The following ELOB variants were observed in gnomAD, a reference collection of about 807,000 sequenced individuals.
The protein encoded by ELOB is elongin-B.
Under a neutral mutation model 12.9 loss-of-function variants are expected in ELOB, and 3 were observed. The ratio of observed to expected loss-of-function variants is 0.23; its 90% CI spans 0.11 to 0.60. ELOB has a LOEUF of 0.60. Among genes scored for constraint, ELOB ranks in the 20% least tolerant of loss-of-function variants. ELOB has a pLI of 0.89. For synonymous variants in ELOB, 84 were observed against 67.4 expected (o/e 1.25, Z -1.21); for missense variants, 126 against 159.2 (o/e 0.79, Z 1.12).
Position 2,771,861 on chromosome 16 carries a change from C to G in ELOB, c.*129G>C. ...GGGAGACAGGACAGCACAGGAACTG[C>G]CAAGCACAAGCCCCAAAAGGAGCCC... On this transcript the variant is annotated 3_prime_UTR_variant, in exon 4 of 4. Transcript: ENST00000409906. 4 of 1,463,802 alleles carry G rather than the reference C, an allele frequency of 2.7e-6. No individual in the cohort carries two copies. The South Asian group carries it at 5.7e-5, about 21-fold the overall frequency. The allele number at this position is 1,463,802 out of a possible 1,614,324, so 90.7% of individuals were successfully genotyped here. A position where few individuals can be genotyped will look rare whatever the true frequency, so the allele number is the denominator to read the frequency against.
intron 2 of ELOB, 154 bp from the exon 3 acceptor site, chr16:2,775,710 C>T: frequency 1.8e-6 from 1 of 552,612 alleles, no homozygotes; most frequent in Non-Finnish European, 3.2e-6. Flanking sequence ...ACACAGATTC[C>T]AGGGTTATAT....
At chr16:2,775,899 A>G (rs1427552111) in intron 2 of ELOB, among the ~76,000 whole-genome samples, 4 of 152,116 alleles carry the variant, frequency 2.6e-5, no homozygotes, top group African/African-American at 9.7e-5. Context: ...TATTTTAGAG[A>G]CAGGGTCTCG....
intron 2 of ELOB, 149 bp downstream of exon 2, chr16:2,776,844 C>G: frequency 8.5e-7 from 1 of 1,172,944 alleles, no homozygotes; most frequent in Non-Finnish European, 1.1e-6. Context: ...GCAGCTCGCG[C>G]TTCACCCGCA....
At chr16:2,776,422 A>C (rs2068800506) in intron 2 of ELOB, among the ~76,000 whole-genome samples, 1 of 152,150 alleles carries the variant, frequency 6.6e-6, no homozygotes, top group African/African-American at 2.4e-5. Context: ...CCCAAACCCC[A>C]AGCCATTCTG....
rs556685704 is a variant in ELOB at position 2,776,793 on chromosome 16, G to A, written c.138+200C>T. Among the ~76,000 whole-genome samples, 695 of 152,310 alleles carry A rather than the reference G, an allele frequency of 4.6e-3. 4 individuals carry two copies. The highest frequency in any genetic ancestry group is 0.016 in the African/African-American group (653 of 41,584). On this transcript the variant is annotated intron_variant, in intron 2 of 3. Transcript: ENST00000409906. The stretch of plus-strand genomic sequence containing the variant: ...CTCGGCGCCCGGGGCCCGGCACGAG[G>A]TCTAAACATCGCCCCCGGACCGGAG...
rs1011939598 is a variant in ELOB, at chr16:2,775,354, G to A, written c.244+97C>T. ...TTAGGCACGAGGAAGACACTGCCCTGAAGGCTTCAACTCCAGGCTCCCTGA... is the reference window on the plus strand; with the variant it reads ...TTAGGCACGAGGAAGACACTGCCCTAAAGGCTTCAACTCCAGGCTCCCTGA... On this transcript the variant is annotated intron_variant, in intron 3 of 3. Coordinates refer to ENST00000409906, the MANE Select transcript of ELOB (RefSeq NM_007108.4). The A allele has an allele frequency of 1.0e-5, 8 of 772,606 alleles. No individual in the cohort carries two copies. In the African/African-American group the frequency reaches 1.2e-4, roughly 12 times the overall value. 47.9% of individuals were successfully genotyped at this position (772,606 alleles called of 1,614,324 possible). A position where few individuals can be genotyped will look rare whatever the true frequency, so the allele number is the denominator to read the frequency against.
Position 2,775,460 on chromosome 16 carries a change from A to G in ELOB, c.235T>C (p.Phe79Leu). 1 of 1,601,180 alleles carries G rather than the reference A, an allele frequency of 6.2e-7. No individual in the cohort carries two copies. The highest frequency in any genetic ancestry group is 1.7e-5 in the Admixed American group (1 of 59,564). ...PQAPATVGLA[F>L]RADDTFEALC... Reference sequence around the variant, plus strand: ...GTGGTGGGCCTCTCACCTGCCCGGAAGGCCAGCCCCACTGTGGCTGGGGCC... The same window carrying G: ...GTGGTGGGCCTCTCACCTGCCCGGAGGGCCAGCCCCACTGTGGCTGGGGCC... The change falls in exon 3 of 4, where the codon TTC (phenylalanine) becomes CTC (leucine). Residue 79 changes from phenylalanine to leucine, a missense_variant. Coordinates refer to ENST00000409906, the MANE Select transcript of ELOB (RefSeq NM_007108.4).
chr16:2,777,170 C>G (rs542432329), intron 1 of ELOB, 43 bp from the exon 2 acceptor site: 17 of 1,175,822 alleles, frequency 1.4e-5, no homozygotes, highest in South Asian at 1.2e-4. Context: ...CCGGGCCCCC[C>G]GCGCGGCCCA....
Position 2,771,760 on chromosome 16 carries a change from C to T in ELOB, c.*230G>A. 6.7e-7 allele frequency: 1 copy of T among 1,492,162 alleles called. No individual in the cohort carries two copies. The highest frequency in any genetic ancestry group is 8.9e-7 in the Non-Finnish European group (1 of 1,125,842). 92.4% of individuals were successfully genotyped at this position (1,492,162 alleles called of 1,614,324 possible). On this transcript the variant is annotated 3_prime_UTR_variant, in exon 4 of 4. Transcript: ENST00000409906. ...GCTAGCTGCTAACAATGGCTTGGGTCTCAGGGCAACCCAGGTCCCCATGGT... is the reference window on the plus strand; with the variant it reads ...GCTAGCTGCTAACAATGGCTTGGGTTTCAGGGCAACCCAGGTCCCCATGGT...
rs2068756266 is a variant in ELOB, at chr16:2,771,792, AAGC to A, written c.*195_*197del. On this transcript the variant is annotated 3_prime_UTR_variant, in exon 4 of 4. Transcript: ENST00000409906. ...CAACCCAGGTCCCCATGGTGCCTTT[AAGC>A]AGCAGGCTGGGCCAAGTTCTCAGCC... 10 of 1,456,592 alleles carry A rather than the reference AAGC, an allele frequency of 6.9e-6. No individual in the cohort carries two copies. The highest frequency in any genetic ancestry group is 9.0e-6 in the Non-Finnish European group (10 of 1,109,010). 90.2% of individuals were successfully genotyped at this position (1,456,592 alleles called of 1,614,324 possible). A position where few individuals can be genotyped will look rare whatever the true frequency, so the allele number is the denominator to read the frequency against.
Position 2,773,871 on chromosome 16 carries a change from A to G in ELOB, c.244+1580T>C, listed in dbSNP as rs1354376210. ...GAGAAAGGGACACTTCTGGGGGAAC[A>G]CAGCCCAGCTTCGGTTCACGAAGCA... On this transcript the variant is annotated intron_variant, in intron 3 of 3. Transcript: ENST00000409906. Among the ~76,000 whole-genome samples the G allele has an allele frequency of 3.9e-5, 6 of 152,224 alleles. No homozygotes were observed. The East Asian group carries it at 1.2e-3, about 29-fold the overall frequency.
At chr16:2,773,688 C>T (rs1029183283) in intron 3 of ELOB, among the ~76,000 whole-genome samples, 5 of 152,168 alleles carry the variant, frequency 3.3e-5, no homozygotes, top group Non-Finnish European at 7.4e-5. Context: ...GATGATGTGA[C>T]CTGGGCTCCG....
At chr16:2,777,206 G>A in intron 1 of ELOB, 31 bp downstream of exon 1, 12 of 966,016 alleles carry the variant, frequency 1.2e-5, no homozygotes, top group Non-Finnish European at 1.5e-5. Context: ...CCCCGGCCCG[G>A]CCCGGCCGCC....
intron 3 of ELOB, among the ~76,000 whole-genome samples, chr16:2,774,671 C>T (rs2068788766): frequency 6.6e-6 from 1 of 152,244 alleles, no homozygotes; most frequent in Non-Finnish European, 1.5e-5. Context: ...CTGCTGGGTC[C>T]ACAGCTGTGA....
At chr16:2,774,573 C>T (rs1380066035) in intron 3 of ELOB, among the ~76,000 whole-genome samples, 1 of 152,262 alleles carries the variant, frequency 6.6e-6, no homozygotes, top group South Asian at 2.1e-4. Flanking sequence ...CTCTACTCTT[C>T]CTCTTCAGCC....
chr16:2,774,875 G>A (rs1000721371), intron 3 of ELOB, among the ~76,000 whole-genome samples: 1 of 152,172 alleles, frequency 6.6e-6, no homozygotes, highest in African/African-American at 2.4e-5. Context: ...CCTAGATGTG[G>A]CAGTCCCAGC....
chr16:2,774,275 G>A (rs1206653280), intron 3 of ELOB, among the ~76,000 whole-genome samples: 3 of 152,222 alleles, frequency 2.0e-5, no homozygotes, highest in African/African-American at 7.2e-5. Flanking sequence ...GGCACGACCT[G>A]TGTCTATGCC....
Position 2,773,699 on chromosome 16 carries a change from G to C in ELOB, c.245-1597C>G, listed in dbSNP as rs143342636. On this transcript the variant is annotated intron_variant, in intron 3 of 3. Coordinates refer to ENST00000409906, the MANE Select transcript of ELOB (RefSeq NM_007108.4). Reference sequence around the variant, plus strand: ...GAGGGATGATGTGACCTGGGCTCCGGAGTCACCACCACATTCCATGCCATA... The same window carrying C: ...GAGGGATGATGTGACCTGGGCTCCGCAGTCACCACCACATTCCATGCCATA... 1.7e-4 allele frequency among the ~76,000 whole-genome samples: 26 copies of C among 152,258 alleles called. 1 individual carries two copies. The East Asian group carries it at 3.9e-3, about 23-fold the overall frequency.
chr16:2,772,004 G>A lies in ELOB; in HGVS notation c.343C>T (p.Gln115Ter). 1 of 1,612,638 alleles carries A rather than the reference G, an allele frequency of 6.2e-7. No homozygotes were observed. Among genetic ancestry groups the A allele is most frequent in the Non-Finnish European group, 8.5e-7 (1 of 1,179,526 alleles). ...CTTGGGGGTCCTCACTGCACGGCTT[G>A]TTCATTGGCACTGCTTCCCGAGTCC... is the stretch of plus-strand genomic sequence containing the variant. The part of the protein sequence containing the change: ...PQDSGSSANE[Q>*]AVQ Residue 115 changes from glutamine (Q) to a stop codon, truncating the protein, a stop_gained, in exon 4 of 4, where the codon CAA (glutamine) becomes TAA (stop). Transcript: ENST00000409906. LOFTEE classifies it high-confidence loss of function.
Sources: gnomAD v4.1 joint callset for allele counts (sites outside exome capture counted in the v4.1 genomes callset) on GRCh38, gnomAD v4.1.1 for gene constraint, MANE v1.5 for transcripts, NCBI Gene and HGNC (gene_info 2026-07-23, HGNC 2026-07-21) for gene names.